Variants in PGAP1 observed in about 807,000 individuals in gnomAD.
The protein encoded by PGAP1 is GPI inositol-deacylase.
Under a neutral mutation model 127.0 loss-of-function variants are expected in PGAP1, and 76 were observed. That is an observed-to-expected ratio of 0.60 (90% CI 0.50 to 0.72). The LOEUF (loss-of-function observed/expected upper bound fraction) is 0.72. Among genes scored for constraint, PGAP1 ranks in the 30% least tolerant of loss-of-function variants. PGAP1 has a pLI of 0.00. For synonymous variants in PGAP1, 362 were observed against 366.5 expected (o/e 0.99, Z 0.14); for missense variants, 982 against 1,071.3 (o/e 0.92, Z 1.16).
intron 20 of PGAP1, among the ~76,000 whole-genome samples, chr2:196,854,979 A>C (rs549853586): frequency 6.6e-6 from 1 of 150,862 alleles, no homozygotes; most frequent in South Asian, 2.1e-4. Context: ...TTTTTTGTAG[A>C]AACGGGGCCT....
chr2:196,926,007 C>A (rs1433946023), intron 1 of PGAP1, among the ~76,000 whole-genome samples: 1 of 152,022 alleles, frequency 6.6e-6, no homozygotes, highest in African/African-American at 2.4e-5. Context: ...GAGCAGATCA[C>A]CGGGCGCGAG....
chr2:196,885,779 G>T, intron 11 of PGAP1, 55 bp downstream of exon 11: 1 of 1,095,352 alleles, frequency 9.1e-7, no homozygotes, highest in Non-Finnish European at 1.2e-6. Context: ...CTAAAAGTGT[G>T]GTTTCCGAGT....
In PGAP1 at chr2:196,843,891, A is replaced by G. The variant is rs917600111; in HGVS notation, c.2522T>C (p.Leu841Pro). 10 of 1,511,994 alleles carry G rather than the reference A, an allele frequency of 6.6e-6. No individual in the cohort carries two copies. The highest frequency in any genetic ancestry group is 1.4e-5 in the African/African-American group (1 of 72,804). The allele number at this position is 1,511,994 out of a possible 1,614,324, so 93.7% of individuals were successfully genotyped here. A position where few individuals can be genotyped will look rare whatever the true frequency, so the allele number is the denominator to read the frequency against. ...TAATTATATCAATAAAACGCACCTAAGATTCTTTAGCCAATAAATTAGAGA... is the reference window on the plus strand; with the variant it reads ...TAATTATATCAATAAAACGCACCTAGGATTCTTTAGCCAATAAATTAGAGA... Reference protein sequence around the residue: ...MPSLIYWLKNLRYYFKLNPDP... With the variant: ...MPSLIYWLKNPRYYFKLNPDP... The change falls in exon 25 of 27, where the codon CTT (leucine) becomes CCT (proline). Residue 841 changes from leucine (L) to proline (P), a missense_variant. Transcript: ENST00000354764.
chr2:196,883,406 G>A (rs925582593), intron 12 of PGAP1, among the ~76,000 whole-genome samples: 3 of 152,122 alleles, frequency 2.0e-5, no homozygotes, highest in South Asian at 4.1e-4. Context: ...GCTTCACCCC[G>A]ACTTAGCAAA....
At chr2:196,865,761 G>T (rs1701219631) in intron 19 of PGAP1, among the ~76,000 whole-genome samples, 1 of 151,912 alleles carries the variant, frequency 6.6e-6, no homozygotes, top group Non-Finnish European at 1.5e-5. Context: ...ACGTTATAGT[G>T]CAAGTCATTC....
At chr2:196,902,891 C>T (rs1702543880) in intron 4 of PGAP1, 149 bp from the exon 5 acceptor site, 1 of 531,302 alleles carries the variant, frequency 1.9e-6, no homozygotes, top group East Asian at 3.2e-5. Flanking sequence ...TCCCTATTTT[C>T]AGTAAAATCA....
rs1003023237 is a variant in PGAP1, at chr2:196,840,819, T to G, written c.*415A>C. 1.3e-5 allele frequency: 2 copies of G among 153,986 alleles called. No homozygotes were observed. Among genetic ancestry groups the G allele is most frequent in the African/African-American group, 4.8e-5 (2 of 41,542 alleles). The allele number at this position is 153,986 out of a possible 1,614,324, so 9.5% of individuals were successfully genotyped here. A position where few individuals can be genotyped will look rare whatever the true frequency, so the allele number is the denominator to read the frequency against. On this transcript the variant is annotated 3_prime_UTR_variant, in exon 27 of 27. Coordinates refer to ENST00000354764, the MANE Select transcript of PGAP1 (RefSeq NM_024989.4). ...GACTTATTTCTTAATAGGTAAACTATAGCAAATTCAAAATAACCTACTTTT... is the reference window on the plus strand; with the variant it reads ...GACTTATTTCTTAATAGGTAAACTAGAGCAAATTCAAAATAACCTACTTTT...
rs1296163054 is a variant in PGAP1 at position 196,836,279 on chromosome 2, C to T, written c.*4955G>A. On this transcript the variant is annotated 3_prime_UTR_variant, in exon 27 of 27. Coordinates refer to ENST00000354764, the MANE Select transcript of PGAP1 (RefSeq NM_024989.4). ...CCAAACACTTTCAGAAAGTCCTGTA[C>T]TTTATTTAAAAGTTATCAACCGTAG... 4 of 152,508 alleles carry T rather than the reference C, an allele frequency of 2.6e-5. No individual in the cohort carries two copies. The highest frequency in any genetic ancestry group is 9.7e-5 in the African/African-American group (4 of 41,436). 9.4% of individuals were successfully genotyped at this position (152,508 alleles called of 1,614,324 possible).
intron 8 of PGAP1, among the ~76,000 whole-genome samples, chr2:196,892,859 G>C (rs1702147141): frequency 6.6e-6 from 1 of 152,074 alleles, no homozygotes. Flanking sequence ...TTATGCAATT[G>C]TTAGGAGAAC....
rs187946344 is a variant in PGAP1 at position 196,854,667 on chromosome 2, T to C, written c.1862-6630A>G. Reference sequence around the variant, plus strand: ...TTTCATCAGATTTTAACCATGACTATGATAAGTTTCTGTCATCCACAGTTA... The same window carrying C: ...TTTCATCAGATTTTAACCATGACTACGATAAGTTTCTGTCATCCACAGTTA... On this transcript the variant is annotated intron_variant, in intron 20 of 26. Coordinates refer to ENST00000354764, the MANE Select transcript of PGAP1 (RefSeq NM_024989.4). Among the ~76,000 whole-genome samples the C allele has an allele frequency of 1.6e-3, 247 of 152,368 alleles. 3 individuals are homozygous for C. Among genetic ancestry groups the C allele is most frequent in the Non-Finnish European group, 1.9e-3 (129 of 68,024 alleles).
At chr2:196,870,826 G>C in intron 19 of PGAP1, 115 bp downstream of exon 19, 1 of 773,926 alleles carries the variant, frequency 1.3e-6, no homozygotes, top group Non-Finnish European at 2.1e-6. Context: ...TACTGTATGT[G>C]GTCTGCAAAA....
chr2:196,922,317 T>A, intron 1 of PGAP1: 3 of 1,151,188 alleles, frequency 2.6e-6, no homozygotes, highest in Non-Finnish European at 3.3e-6. Flanking sequence ...AAAGTTTTAT[T>A]TCCATAACTA....
At chr2:196,915,744 C>T (rs1702984657) in intron 3 of PGAP1, among the ~76,000 whole-genome samples, 1 of 152,208 alleles carries the variant, frequency 6.6e-6, no homozygotes, top group South Asian at 2.1e-4. Flanking sequence ...CCTTAGCATG[C>T]CACTGTTTTA....
intron 13 of PGAP1, among the ~76,000 whole-genome samples, chr2:196,879,083 A>T (rs1046143879): frequency 2.0e-5 from 3 of 152,108 alleles, no homozygotes; most frequent in Non-Finnish European, 4.4e-5. Flanking sequence ...TCATTTTAAA[A>T]GTGGGGTCTC....
At chr2:196,896,720 C>T (rs1224388201) in intron 7 of PGAP1, among the ~76,000 whole-genome samples, 1 of 150,656 alleles carries the variant, frequency 6.6e-6, no homozygotes, top group Non-Finnish European at 1.5e-5. Context: ...GTCCCAGCTC[C>T]TCAGGAGGCT....
intron 20 of PGAP1, among the ~76,000 whole-genome samples, chr2:196,850,981 A>C (rs566965633): frequency 2.7e-4 from 41 of 152,240 alleles, no homozygotes; most frequent in African/African-American, 9.1e-4. Context: ...CAACTCCAGC[A>C]AGGGGATGGA....
At chr2:196,889,087 C>T (rs1043019479) in intron 10 of PGAP1, among the ~76,000 whole-genome samples, 5 of 151,848 alleles carry the variant, frequency 3.3e-5, no homozygotes, top group African/African-American at 9.7e-5. Context: ...TTAATTAATA[C>T]CCATGAACAT....
chr2:196,920,570 G>T (rs1439319871), intron 1 of PGAP1, among the ~76,000 whole-genome samples: 1 of 151,986 alleles, frequency 6.6e-6, no homozygotes, highest in Non-Finnish European at 1.5e-5. Flanking sequence ...ATTTTGTAAT[G>T]TCTCTCCTTT....
intron 10 of PGAP1, 94 bp downstream of exon 10, chr2:196,890,734 T>C (rs562579748): frequency 1.5e-6 from 1 of 679,514 alleles, no homozygotes; most frequent in Non-Finnish European, 2.6e-6. Context: ...TTAGATTTAA[T>C]AGTAATATTT....
Sources: gnomAD v4.1 joint callset for allele counts (sites outside exome capture counted in the v4.1 genomes callset) on GRCh38, gnomAD v4.1.1 for gene constraint, MANE v1.5 for transcripts, NCBI Gene and HGNC (gene_info 2026-07-23, HGNC 2026-07-21) for gene names.